The following DOCK4 variants were observed in gnomAD, a reference collection of about 807,000 sequenced individuals.
The protein encoded by DOCK4 is dedicator of cytokinesis protein 4.
In DOCK4, 97 loss-of-function variants were observed where a neutral mutation model predicts 268.1. The observed-to-expected ratio is 0.36, with a 90% CI of 0.31 to 0.43. The LOEUF is 0.43. Among genes scored for constraint, DOCK4 ranks in the 20% least tolerant of loss-of-function variants. The pLI is 1.00. For synonymous variants in DOCK4, 954 were observed against 887.2 expected (o/e 1.08, Z -1.34); for missense variants, 2,145 against 2,455.7 (o/e 0.87, Z 2.67).
chr7:111,967,287 A>G (rs1373316042), intron 8 of DOCK4, among the ~76,000 whole-genome samples: 2 of 16,746 alleles, frequency 1.2e-4, no homozygotes, highest in Non-Finnish European at 1.8e-4. Context: ...TGCAGACGAC[A>G]TGATTGTTTA....
intron 12 of DOCK4, among the ~76,000 whole-genome samples, chr7:111,926,180 G>A (rs950541265): frequency 1.4e-5 from 2 of 141,272 alleles, no homozygotes; most frequent in African/African-American, 5.5e-5. Context: ...AGGAAGGAAG[G>A]CGGGCAAGGT....
rs76145065 is a variant in DOCK4, at chr7:111,884,778, C to T, written c.1588-7592G>A. Among the ~76,000 whole-genome samples the T allele has an allele frequency of 1.7e-3, 256 of 152,224 alleles. 2 individuals carry two copies. The highest frequency in any genetic ancestry group is 6.0e-3 in the African/African-American group (250 of 41,544). On this transcript the variant is annotated intron_variant, in intron 16 of 52. Coordinates refer to ENST00000428084, the MANE Select transcript of DOCK4 (RefSeq NM_001363540.2). ...ATAACACAGGAGCTTAGGAACACAA[C>T]AAATGTGCTAGAAATCATTCACTCT...
At chr7:111,905,985 C>G (rs143875521) in intron 13 of DOCK4, among the ~76,000 whole-genome samples, 1 of 152,146 alleles carries the variant, frequency 6.6e-6, no homozygotes, top group Admixed American at 6.5e-5. Context: ...ATTATCATAT[C>G]AACTTTATAA....
At chr7:111,865,735 C>A (rs1407826070) in intron 22 of DOCK4, among the ~76,000 whole-genome samples, 1 of 152,206 alleles carries the variant, frequency 6.6e-6, no homozygotes, top group Non-Finnish European at 1.5e-5. Context: ...ACAGTTTTCT[C>A]TGGCTGGTAG....
intron 1 of DOCK4, among the ~76,000 whole-genome samples, chr7:112,153,553 A>G (rs568363907): frequency 1.2e-4 from 19 of 152,200 alleles, no homozygotes; most frequent in Non-Finnish European, 2.8e-4. Flanking sequence ...CCAGCTTATC[A>G]ATTTAAGTTT....
intron 13 of DOCK4, among the ~76,000 whole-genome samples, chr7:111,913,522 G>GCCT (rs1204434858): frequency 6.7e-6 from 1 of 150,058 alleles, no homozygotes; most frequent in African/African-American, 2.5e-5. Flanking sequence ...CCATTCTCCT[G>GCCT]CCTCAGCCTC....
intron 1 of DOCK4, among the ~76,000 whole-genome samples, chr7:112,185,996 G>A (rs895954961): frequency 6.6e-6 from 1 of 152,204 alleles, no homozygotes; most frequent in Middle Eastern, 3.2e-3. Flanking sequence ...CACCATCCTT[G>A]GCTGAGTCTC....
At chr7:111,755,952 A>AG (rs1417353351) in intron 41 of DOCK4, among the ~76,000 whole-genome samples, 3 of 152,346 alleles carry the variant, frequency 2.0e-5, no homozygotes, top group Admixed American at 2.0e-4. Flanking sequence ...TATATCCAGA[A>AG]GGGTCAGCCA....
At chr7:112,042,062 C>T (rs1804421278) in intron 1 of DOCK4, among the ~76,000 whole-genome samples, 1 of 152,106 alleles carries the variant, frequency 6.6e-6, no homozygotes, top group Admixed American at 6.5e-5. Context: ...GAGTTCAAGG[C>T]TACAGTGTAC....
At chr7:112,131,357 C>T (rs1018074403) in intron 1 of DOCK4, among the ~76,000 whole-genome samples, 1 of 152,128 alleles carries the variant, frequency 6.6e-6, no homozygotes, top group Non-Finnish European at 1.5e-5. Flanking sequence ...AGCCAGGATA[C>T]GGGGATGCCA....
intron 26 of DOCK4, among the ~76,000 whole-genome samples, chr7:111,833,747 A>G (rs1022294004): frequency 3.9e-5 from 6 of 152,138 alleles, no homozygotes; most frequent in African/African-American, 1.2e-4. Context: ...AGTGACCCCT[A>G]TGTACTATCT....
At chr7:112,066,686 T>TATAC (rs1563052054) in intron 1 of DOCK4, among the ~76,000 whole-genome samples, 1 of 14,800 alleles carries the variant, frequency 6.8e-5, no homozygotes, top group Non-Finnish European at 1.1e-4. Context: ...CATATATACA[T>TATAC]ATACATATAT....
chr7:111,754,700 T>A (rs1392313991), intron 42 of DOCK4, among the ~76,000 whole-genome samples: 4 of 152,170 alleles, frequency 2.6e-5, no homozygotes, highest in African/African-American at 4.8e-5. Flanking sequence ...GACAGCTGGG[T>A]GGGGTCCCAC....
chr7:111,999,543 A>T (rs1800253502), intron 3 of DOCK4, among the ~76,000 whole-genome samples: 2 of 152,044 alleles, frequency 1.3e-5, no homozygotes, highest in African/African-American at 4.8e-5. Context: ...CTATATTTGC[A>T]TGTGCCTCAT....
intron 25 of DOCK4, among the ~76,000 whole-genome samples, chr7:111,837,935 A>C (rs1314819521): frequency 6.6e-6 from 1 of 151,836 alleles, no homozygotes; most frequent in Non-Finnish European, 1.5e-5. Flanking sequence ...AAAAATACAA[A>C]ATTAGCCGGG....
chr7:111,826,915 A>C (rs1361918308), intron 26 of DOCK4, among the ~76,000 whole-genome samples: 1 of 152,180 alleles, frequency 6.6e-6, no homozygotes, highest in Admixed American at 6.5e-5. Flanking sequence ...AAAAAGAGAA[A>C]GGCAAAAGAC....
At chr7:112,005,694 C>G (rs558331823) in intron 1 of DOCK4, among the ~76,000 whole-genome samples, 1 of 152,192 alleles carries the variant, frequency 6.6e-6, no homozygotes, top group African/African-American at 2.4e-5. Flanking sequence ...AAACTCTGCA[C>G]TACTGATGTT....
chr7:111,758,469 C>G (rs1160673669), intron 41 of DOCK4, among the ~76,000 whole-genome samples, 155 bp downstream of exon 41: 1 of 152,308 alleles, frequency 6.6e-6, no homozygotes, highest in South Asian at 2.1e-4. Context: ...CTCTGATGCA[C>G]GTGGAGCTGC....
chr7:112,043,799 T>C (rs1163942153), intron 1 of DOCK4, among the ~76,000 whole-genome samples: 1 of 151,946 alleles, frequency 6.6e-6, no homozygotes, highest in Admixed American at 6.5e-5. Context: ...GAAGTTGTAA[T>C]GAAAGCTCAT....
Sources: allele counts gnomAD v4.1 joint callset (sites outside exome capture counted in the v4.1 genomes callset), GRCh38; gene constraint gnomAD v4.1.1; transcripts MANE v1.5; gene names NCBI Gene and HGNC (gene_info 2026-07-23, HGNC 2026-07-21).